IQCM: variants seen among roughly 807,000 people sequenced by gnomAD.
IQCM encodes the protein IQ motif containing M.
A neutral mutation model predicts 57.6 loss-of-function variants in IQCM; 45 were observed. The ratio of observed to expected loss-of-function variants is 0.78; its 90% confidence interval spans 0.62 to 1.00. The LOEUF (loss-of-function observed/expected upper bound fraction) is 1.00, where lower values mean the gene tolerates loss of function less well. IQCM is among the 50% of genes least tolerant of loss of function. The pLI is 0.00. For synonymous variants in IQCM, 148 were observed against 158.9 expected (o/e 0.93, Z 0.51); for missense variants, 468 against 511.6 (o/e 0.91, Z 0.82).
intron 13 of IQCM, among the ~76,000 whole-genome samples, chr4:149,415,365 A>C (rs1318660602): frequency 6.6e-6 from 1 of 152,126 alleles, no homozygotes; most frequent in African/African-American, 2.4e-5. Context: ...TTTAAACTTC[A>C]GTTTTCTACT....
chr4:149,623,216 A>C (rs1756501758), intron 7 of IQCM, among the ~76,000 whole-genome samples: 1 of 152,198 alleles, frequency 6.6e-6, no homozygotes. Flanking sequence ...TAAAAAATGA[A>C]TTGTCTGAAA....
At chr4:149,682,252 T>G (rs1762231958) in intron 6 of IQCM, 46 bp from the exon 7 acceptor site, 8 of 811,746 alleles carry the variant, frequency 9.9e-6, no homozygotes, top group Non-Finnish European at 1.3e-5. Context: ...AGTCCCTATT[T>G]TGTAATACAA....
chr4:149,506,311 G>C (rs753618368), intron 12 of IQCM, among the ~76,000 whole-genome samples: 1 of 152,150 alleles, frequency 6.6e-6, no homozygotes, highest in Non-Finnish European at 1.5e-5. Flanking sequence ...TATTGCAAAA[G>C]GATTCTTTGA....
chr4:149,550,316 C>A (rs953490524), intron 11 of IQCM, among the ~76,000 whole-genome samples: 2 of 152,208 alleles, frequency 1.3e-5, no homozygotes, highest in African/African-American at 4.8e-5. Context: ...TGTCTCCTTT[C>A]TTCATTCCAT....
intron 13 of IQCM, among the ~76,000 whole-genome samples, chr4:149,375,305 G>A (rs1032242955): frequency 3.3e-5 from 5 of 152,066 alleles, no homozygotes; most frequent in Non-Finnish European, 5.9e-5. Flanking sequence ...ATAGATGGGC[G>A]CCTACAGGCC....
chr4:149,616,555 T>A (rs1302746332), intron 8 of IQCM, among the ~76,000 whole-genome samples: 1 of 152,162 alleles, frequency 6.6e-6, no homozygotes, highest in Non-Finnish European at 1.5e-5. Context: ...GCCAAAGAAC[T>A]ATAAACTTAA....
chr4:149,750,267 A>G (rs1768307555), intron 2 of IQCM, among the ~76,000 whole-genome samples: 2 of 152,242 alleles, frequency 1.3e-5, no homozygotes, highest in African/African-American at 4.8e-5. Flanking sequence ...GGTTTCAGAA[A>G]AGTTCACATT....
At chr4:149,454,359 A>C (rs1737458133) in intron 12 of IQCM, among the ~76,000 whole-genome samples, 1 of 151,882 alleles carries the variant, frequency 6.6e-6, no homozygotes, top group Non-Finnish European at 1.5e-5. Context: ...AAGCGAACTA[A>C]TGCAGGAACA....
chr4:149,527,309 T>C (rs1746256765), intron 12 of IQCM, among the ~76,000 whole-genome samples: 1 of 152,234 alleles, frequency 6.6e-6, no homozygotes, highest in African/African-American at 2.4e-5. Context: ...ATGGATTAAA[T>C]GTTTGTGCCT....
chr4:149,753,397 T>A (rs1373376091), intron 2 of IQCM, among the ~76,000 whole-genome samples: 1 of 151,960 alleles, frequency 6.6e-6, no homozygotes, highest in Admixed American at 6.6e-5. Context: ...TAGAACAAAT[T>A]GGAATCCTTT....
At chr4:149,656,754 T>C (rs1259717681) in intron 7 of IQCM, among the ~76,000 whole-genome samples, 9 of 152,018 alleles carry the variant, frequency 5.9e-5, no homozygotes, top group Non-Finnish European at 1.2e-4. Flanking sequence ...CACTGGTACG[T>C]AGGGCGGAAT....
At chr4:149,388,616 A>AAT (rs1200907782) in intron 13 of IQCM, among the ~76,000 whole-genome samples, 5 of 142,526 alleles carry the variant, frequency 3.5e-5, no homozygotes, top group African/African-American at 7.6e-5. Context: ...ATAGGCAAAG[A>AAT]ATATATATAT....
chr4:149,637,815 C>G (rs1185158390), intron 7 of IQCM, among the ~76,000 whole-genome samples: 1 of 152,150 alleles, frequency 6.6e-6, no homozygotes, highest in Non-Finnish European at 1.5e-5. Context: ...ACCACACACA[C>G]AAATCAGTTT....
intron 12 of IQCM, among the ~76,000 whole-genome samples, chr4:149,544,661 T>G (rs1232409620): frequency 6.6e-6 from 1 of 152,148 alleles, no homozygotes; most frequent in Non-Finnish European, 1.5e-5. Context: ...AAAGCTATTG[T>G]ATTCAAAACA....
At position 149,355,214 on chromosome 4, in the gene IQCM, T is replaced by G. The variant is rs534306519; in HGVS notation, c.1391-3148A>C. Reference sequence around the variant, plus strand: ...CAAATATAAGTACACATAATATATCTTTAATCTTTCAAAGTAAATATTCTT... The same window carrying G: ...CAAATATAAGTACACATAATATATCGTTAATCTTTCAAAGTAAATATTCTT... On this transcript the variant is annotated intron_variant, in intron 13 of 13. Coordinates refer to ENST00000636793, the MANE Select transcript of IQCM (RefSeq NM_001363507.2). Among the ~76,000 whole-genome samples the G allele has an allele frequency of 9.2e-5, 14 of 152,282 alleles. No individual in the cohort carries two copies. The East Asian group carries it at 1.9e-3, about 21-fold the overall frequency.
chr4:149,580,538 A>G (rs188905624), intron 9 of IQCM, among the ~76,000 whole-genome samples: 2 of 151,932 alleles, frequency 1.3e-5, no homozygotes, highest in Admixed American at 1.3e-4. Flanking sequence ...TTGCTAGACC[A>G]GGAAATAATT....
chr4:149,676,920 C>T (rs910196924), intron 7 of IQCM, among the ~76,000 whole-genome samples: 5 of 151,920 alleles, frequency 3.3e-5, no homozygotes, highest in Non-Finnish European at 5.9e-5. Context: ...AAGATTATTA[C>T]CAGAAATATA....
chr4:149,499,413 AT>A (rs981462390), intron 12 of IQCM, among the ~76,000 whole-genome samples: 2 of 152,196 alleles, frequency 1.3e-5, no homozygotes, highest in African/African-American at 4.8e-5. Context: ...TAGGAAAAAA[AT>A]AATTTGCCTT....
Position 149,563,780 on chromosome 4 carries a change from G to A in IQCM, c.860C>T (p.Thr287Ile), listed in dbSNP as rs368629369. Residue 287 changes from threonine to isoleucine, a missense_variant, in exon 10 of 14, where the codon ACC becomes ATC. Thr to Ile is a moderately conservative substitution (Grantham distance 89, BLOSUM62 -1). Coordinates refer to ENST00000636793, the MANE Select transcript of IQCM (RefSeq NM_001363507.2). ...GGTGACCATTCTAATCAATTTTGGG[G>A]TAATCATGAATTTTTTTCTTTCTCG... ...VFRERKKFMITPKLIRMVTVM... is the reference protein window; with the variant it reads ...VFRERKKFMIIPKLIRMVTVM... The A allele has an allele frequency of 2.8e-4, 345 of 1,231,926 alleles. 5 individuals are homozygous for A. In the South Asian group the frequency reaches 0.012, roughly 43 times the overall value. The allele number at this position is 1,231,926 out of a possible 1,614,324, so 76.3% of individuals were successfully genotyped here.
Sources: gnomAD v4.1 joint callset for allele counts (sites outside exome capture counted in the v4.1 genomes callset) on GRCh38, gnomAD v4.1.1 for gene constraint, MANE v1.5 for transcripts, NCBI Gene and HGNC (gene_info 2026-07-23, HGNC 2026-07-21) for gene names.